The following CAMK1D variants were observed in gnomAD, a reference collection of about 807,000 sequenced individuals.
CAMK1D encodes the protein calcium/calmodulin-dependent protein kinase type 1D.
A neutral mutation model predicts 47.7 loss-of-function variants in CAMK1D; 9 were observed. That is an observed-to-expected ratio of 0.19 (90% CI 0.11 to 0.33). The LOEUF is 0.33. CAMK1D is among the 10% of genes least tolerant of loss of function. The probability of loss-of-function intolerance (pLI) is 1.00; values close to 1 mark genes in which losing one functional copy is unlikely to be tolerated. For missense variants in CAMK1D, 291 were observed against 488.7 expected (o/e 0.60, Z 3.81); for synonymous variants, 184 against 184.9 (o/e 0.99, Z 0.04).
At chr10:12,350,573 TC>T (rs2131826224) in intron 1 of CAMK1D, among the ~76,000 whole-genome samples, 1 of 36,932 alleles carries the variant, frequency 2.7e-5, no homozygotes, top group South Asian at 6.6e-4. Context: ...CGGGCGGTGC[TC>T]TCTCCGGGCT....
intron 3 of CAMK1D, among the ~76,000 whole-genome samples, chr10:12,759,981 A>G (rs1476378640): frequency 6.6e-6 from 1 of 152,038 alleles, no homozygotes; most frequent in Non-Finnish European, 1.5e-5. Context: ...AATCTGTCTC[A>G]TCTTGTTTTT....
intron 3 of CAMK1D, among the ~76,000 whole-genome samples, chr10:12,733,132 A>C (rs1476559190): frequency 1.3e-5 from 2 of 152,170 alleles, no homozygotes; most frequent in African/African-American, 4.8e-5. Context: ...TTACCTTTCT[A>C]TTCTTATATG....
At chr10:12,389,340 T>A (rs1449347390) in intron 1 of CAMK1D, among the ~76,000 whole-genome samples, 1 of 152,168 alleles carries the variant, frequency 6.6e-6, no homozygotes, top group Non-Finnish European at 1.5e-5. Context: ...ACAGGCTCTT[T>A]GGGACATCAA....
chr10:12,573,830 A>AATTTTTTTTTTTTTTT (rs1588648909), intron 2 of CAMK1D, among the ~76,000 whole-genome samples: 2 of 46,154 alleles, frequency 4.3e-5, no homozygotes, highest in African/African-American at 2.2e-4. Flanking sequence ...TATTAAAAAA[A>AATTTTTTTTTTTTTTT]CTTTTTTTTT....
chr10:12,468,352 G>A (rs879323285), intron 1 of CAMK1D, among the ~76,000 whole-genome samples: 2 of 152,186 alleles, frequency 1.3e-5, no homozygotes, highest in African/African-American at 2.4e-5. Flanking sequence ...ATGAGCCACT[G>A]AGCCCGGCCT....
Position 12,515,170 on chromosome 10 carries a change from C to CT in CAMK1D, c.93-38050dup, listed in dbSNP as rs1429711425. Among the ~76,000 whole-genome samples, 4 of 152,086 alleles carry CT rather than the reference C, an allele frequency of 2.6e-5. No homozygotes were observed. In the East Asian group the frequency reaches 7.7e-4, roughly 29 times the overall value. On this transcript the variant is annotated intron_variant, in intron 1 of 10. Coordinates refer to ENST00000619168, the MANE Select transcript of CAMK1D (RefSeq NM_153498.4). Reference sequence around the variant, plus strand: ...AGCCACCACACCTGGCCTAGCCTTTCTTTTTAAAAAAAGTTTTTAAATTTA... The same window carrying CT: ...AGCCACCACACCTGGCCTAGCCTTTCTTTTTTAAAAAAAGTTTTTAAATTTA...
intron 3 of CAMK1D, among the ~76,000 whole-genome samples, chr10:12,720,683 C>T (rs1004755787): frequency 6.6e-6 from 1 of 152,176 alleles, no homozygotes; most frequent in African/African-American, 2.4e-5. Context: ...GCCCTTCAAC[C>T]CTTTTTTGAG....
At chr10:12,407,672 A>G (rs150021308) in intron 1 of CAMK1D, among the ~76,000 whole-genome samples, 131 of 152,322 alleles carry the variant, frequency 8.6e-4, no homozygotes, top group Non-Finnish European at 1.4e-3. Context: ...TATGAAATCT[A>G]GGAGGAGATT....
chr10:12,713,423 C>T (rs1254597510), intron 3 of CAMK1D, among the ~76,000 whole-genome samples: 1 of 152,160 alleles, frequency 6.6e-6, no homozygotes, highest in East Asian at 1.9e-4. Context: ...TTTGCTCCCA[C>T]GAATTCCAGG....
intron 3 of CAMK1D, among the ~76,000 whole-genome samples, chr10:12,747,410 A>G (rs1244339282): frequency 1.3e-5 from 2 of 152,154 alleles, no homozygotes; most frequent in African/African-American, 4.8e-5. Flanking sequence ...GGTGTAAACA[A>G]TCCTCTTGTC....
chr10:12,397,587 C>A (rs1839007215), intron 1 of CAMK1D, among the ~76,000 whole-genome samples: 1 of 152,154 alleles, frequency 6.6e-6, no homozygotes, highest in South Asian at 2.1e-4. Context: ...GAGGGGAGGG[C>A]TAGTATTTCA....
intron 4 of CAMK1D, among the ~76,000 whole-genome samples, chr10:12,761,614 CG>C: frequency 6.6e-6 from 1 of 152,090 alleles, no homozygotes; most frequent in Non-Finnish European, 1.5e-5. Context: ...ACTGGCTGGG[CG>C]TGGTGGCTCA....
chr10:12,767,729 GTC>G (rs543842404), intron 4 of CAMK1D, among the ~76,000 whole-genome samples: 36 of 152,294 alleles, frequency 2.4e-4, no homozygotes, highest in African/African-American at 8.7e-4. Context: ...TTTCTTTTGA[GTC>G]TCTGATCAGT....
intron 2 of CAMK1D, among the ~76,000 whole-genome samples, chr10:12,629,305 C>G (rs956360041): frequency 6.6e-6 from 1 of 152,172 alleles, no homozygotes; most frequent in Non-Finnish European, 1.5e-5. Context: ...TGGTTTTAGC[C>G]TTACCTTTTG....
At chr10:12,671,599 A>G (rs991143813) in intron 3 of CAMK1D, among the ~76,000 whole-genome samples, 1 of 151,742 alleles carries the variant, frequency 6.6e-6, no homozygotes, top group Non-Finnish European at 1.5e-5. Context: ...TCTTCTTTGG[A>G]GATATGTATA....
In CAMK1D at chr10:12,349,715, C is replaced by A. The variant is rs562360646; in HGVS notation, c.-104C>A. ...TGCAGAGGAGGAAGCTGCGCCGCAG[C>A]CCGAGCCGCCCGGCATCCCCGCCGC... On this transcript the variant is annotated 5_prime_UTR_variant, in exon 1 of 11. Transcript: ENST00000619168. The A allele has an allele frequency of 9.2e-5, 21 of 228,262 alleles. 1 individual carries two copies. In the South Asian group the frequency reaches 2.9e-3, roughly 32 times the overall value. 14.1% of individuals were successfully genotyped at this position (228,262 alleles called of 1,614,324 possible).
At chr10:12,709,632 G>T (rs1280697816) in intron 3 of CAMK1D, among the ~76,000 whole-genome samples, 1 of 152,172 alleles carries the variant, frequency 6.6e-6, no homozygotes, top group African/African-American at 2.4e-5. Context: ...GAGGGCCTGT[G>T]TGTTTTAATC....
chr10:12,367,074 A>G (rs1837858701), intron 1 of CAMK1D, among the ~76,000 whole-genome samples: 1 of 152,208 alleles, frequency 6.6e-6, no homozygotes, highest in African/African-American at 2.4e-5. Context: ...CGCCAAGATG[A>G]GACCTGACGC....
At chr10:12,724,841 C>T (rs935415079) in intron 3 of CAMK1D, among the ~76,000 whole-genome samples, 1 of 151,668 alleles carries the variant, frequency 6.6e-6, no homozygotes, top group Non-Finnish European at 1.5e-5. Flanking sequence ...GGTCACACTG[C>T]TGCACTCCAG....
Sources: allele counts gnomAD v4.1 joint callset (sites outside exome capture counted in the v4.1 genomes callset), GRCh38; gene constraint gnomAD v4.1.1; transcripts MANE v1.5; gene names NCBI Gene and HGNC (gene_info 2026-07-23, HGNC 2026-07-21).